RPGRIP1L: variants seen among roughly 807,000 people sequenced by gnomAD.
RPGRIP1L encodes RPGRIP1 like.
Under a neutral mutation model 160.4 loss-of-function variants are expected in RPGRIP1L, and 131 were observed. The observed-to-expected ratio is 0.82, with a 90% confidence interval of 0.71 to 0.94. The LOEUF is 0.94. Ranked by LOEUF, RPGRIP1L falls within the 40% of genes least tolerant of loss-of-function variation. The pLI, the probability that RPGRIP1L is intolerant of heterozygous loss-of-function variation, is 0.00. For synonymous variants in RPGRIP1L, 510 were observed against 515.8 expected (o/e 0.99, Z 0.15); for missense variants, 1,522 against 1,535.8 (o/e 0.99, Z 0.15).
rs201808974 is a variant in RPGRIP1L, at chr16:53,673,045, CATT to C, written c.883-32_883-30del. The C allele has an allele frequency of 6.3e-3, 10,109 of 1,594,690 alleles. 79 individuals carry two copies. Among genetic ancestry groups the C allele is most frequent in the Non-Finnish European group, 5.7e-3 (6,659 of 1,166,520 alleles). ...AAAGATAAAAAGAACATCTTTCAAA[CATT>C]ATTTTTGACTAAATGATTAAATTTG... On this transcript the variant is annotated intron_variant, in intron 7 of 26. Coordinates refer to ENST00000647211, the MANE Select transcript of RPGRIP1L (RefSeq NM_015272.5).
chr16:53,686,491 C>T lies in RPGRIP1L; in HGVS notation c.718G>A (p.Glu240Lys). 6.2e-7 allele frequency: 1 copy of T among 1,613,652 alleles called. No homozygotes were observed. Among genetic ancestry groups the T allele is most frequent in the Non-Finnish European group, 8.5e-7 (1 of 1,179,752 alleles). Residue 240 changes from glutamate (E) to lysine (K), a missense_variant, in exon 6 of 27, where the codon GAA becomes AAA. Coordinates refer to ENST00000647211, the MANE Select transcript of RPGRIP1L (RefSeq NM_015272.5). ...AGAAGAGATAACTCAATTTCATTTT[C>T]TTTTCTCCTCAACTGAGTTTTCAGG... ...EILKTQLRRKENEIELSLLQL... is the reference protein window; with the variant it reads ...EILKTQLRRKKNEIELSLLQL...
intron 22 of RPGRIP1L, among the ~76,000 whole-genome samples, chr16:53,629,391 AGGTCTCTG>A (rs915057254): frequency 1.1e-3 from 167 of 152,302 alleles, no homozygotes; most frequent in African/African-American, 3.8e-3. Context: ...CTAATTCATT[AGGTCTCTG>A]GTGGGGCCAA....
chr16:53,695,057 C>A, intron 3 of RPGRIP1L: 1 of 394,782 alleles, frequency 2.5e-6, no homozygotes, highest in Non-Finnish European at 4.5e-6. Context: ...GTCCTTTTCC[C>A]ATTAAACTAC....
chr16:53,641,811 G>C (rs1036767372), intron 17 of RPGRIP1L, among the ~76,000 whole-genome samples: 1 of 152,026 alleles, frequency 6.6e-6, no homozygotes, highest in African/African-American at 2.4e-5. Flanking sequence ...ACATTATTCA[G>C]AATTCTTAGC....
rs1969042389 is a variant in RPGRIP1L, at chr16:53,675,016, C to T, written c.882+1G>A. 1 of 1,567,018 alleles carries T rather than the reference C, an allele frequency of 6.4e-7. No individual in the cohort carries two copies. Among genetic ancestry groups the T allele is most frequent in the Non-Finnish European group, 8.8e-7 (1 of 1,139,846 alleles). On this transcript the variant is annotated splice_donor_variant, in intron 7 of 26. Coordinates refer to ENST00000647211, the MANE Select transcript of RPGRIP1L (RefSeq NM_015272.5). LOFTEE classifies it high-confidence loss of function. ...TGTAATAAAATAAATTATCACTGTACCTCTTGAAGCTGAATAAATTTTCCT... is the reference window on the plus strand; with the variant it reads ...TGTAATAAAATAAATTATCACTGTATCTCTTGAAGCTGAATAAATTTTCCT...
intron 25 of RPGRIP1L, among the ~76,000 whole-genome samples, chr16:53,607,734 C>T (rs942157973): frequency 2.0e-5 from 3 of 151,720 alleles, no homozygotes; most frequent in Admixed American, 1.3e-4. Context: ...AGAAAGAACT[C>T]GAAATTTAAA....
chr16:53,642,822 A>G lies in RPGRIP1L; in HGVS notation c.2684-1347T>C, dbSNP rs890374016. Among the ~76,000 whole-genome samples, 3 of 152,128 alleles carry G rather than the reference A, an allele frequency of 2.0e-5. No individual in the cohort carries two copies. In the East Asian group the frequency reaches 5.8e-4, roughly 29 times the overall value. ...GTTGTAGGGTGCTGACTATATGTGGAGCAAAATATAGATAATTTCATGCCC... is the reference window on the plus strand; with the variant it reads ...GTTGTAGGGTGCTGACTATATGTGGGGCAAAATATAGATAATTTCATGCCC... On this transcript the variant is annotated intron_variant, in intron 17 of 26. Coordinates refer to ENST00000647211, the MANE Select transcript of RPGRIP1L (RefSeq NM_015272.5).
At chr16:53,625,753 G>C (rs1965106215) in intron 22 of RPGRIP1L, among the ~76,000 whole-genome samples, 1 of 152,186 alleles carries the variant, frequency 6.6e-6, no homozygotes, top group Non-Finnish European at 1.5e-5. Flanking sequence ...CTGTGTCTGT[G>C]CAGAAAGAAG....
intron 9 of RPGRIP1L, among the ~76,000 whole-genome samples, chr16:53,665,645 T>C (rs1968180201): frequency 6.6e-6 from 1 of 152,128 alleles, no homozygotes; most frequent in South Asian, 2.1e-4. Context: ...ATGACGAAAA[T>C]AGAATTACTA....
chr16:53,615,189 A>G (rs1458864133), intron 24 of RPGRIP1L, among the ~76,000 whole-genome samples: 1 of 152,172 alleles, frequency 6.6e-6, no homozygotes, highest in African/African-American at 2.4e-5. Flanking sequence ...AAGGGTCCAG[A>G]CATGTATAAG....
intron 9 of RPGRIP1L, among the ~76,000 whole-genome samples, chr16:53,667,013 A>G (rs1262513324): frequency 6.6e-6 from 1 of 152,168 alleles, no homozygotes; most frequent in Admixed American, 6.5e-5. Context: ...TAAATGGTGA[A>G]CCACATCTGG....
intron 4 of RPGRIP1L, among the ~76,000 whole-genome samples, chr16:53,688,329 G>A (rs1358851089): frequency 6.6e-6 from 1 of 151,870 alleles, no homozygotes; most frequent in Non-Finnish European, 1.5e-5. Context: ...TTTTTCCCCA[G>A]TGTTTGTGAT....
At chr16:53,700,370 C>T (rs1971294777) in intron 2 of RPGRIP1L, among the ~76,000 whole-genome samples, 2 of 152,140 alleles carry the variant, frequency 1.3e-5, no homozygotes, top group Admixed American at 1.3e-4. Context: ...TATGTAGTTT[C>T]TACTGATGTG....
intron 2 of RPGRIP1L, among the ~76,000 whole-genome samples, chr16:53,698,636 T>C (rs1261353508): frequency 1.8e-5 from 2 of 112,696 alleles, no homozygotes; most frequent in African/African-American, 3.4e-5. Flanking sequence ...GGAGCCCCTC[T>C]GCCCGGCCAG....
chr16:53,667,669 T>G (rs888842661), intron 9 of RPGRIP1L, among the ~76,000 whole-genome samples: 2 of 152,054 alleles, frequency 1.3e-5, no homozygotes, highest in Non-Finnish European at 2.9e-5. Flanking sequence ...GGTCAGGAGT[T>G]CGAGACCAGC....
At chr16:53,649,175 T>C in intron 15 of RPGRIP1L, 60 bp from the exon 16 acceptor site, 1 of 1,369,184 alleles carries the variant, frequency 7.3e-7, no homozygotes. Flanking sequence ...TAGATAGCAG[T>C]AAAAATACAT....
At chr16:53,649,950 A>G (rs1312482209) in intron 15 of RPGRIP1L, among the ~76,000 whole-genome samples, 2 of 152,174 alleles carry the variant, frequency 1.3e-5, no homozygotes, top group East Asian at 1.9e-4. Flanking sequence ...AGAATATTCT[A>G]TACATAAACT....
At position 53,696,175 on chromosome 16, in the gene RPGRIP1L, C is replaced by A. The variant is rs574091991; in HGVS notation, c.206G>T (p.Arg69Leu). 2 of 1,613,868 alleles carry A rather than the reference C, an allele frequency of 1.2e-6. No homozygotes were observed. The highest frequency in any genetic ancestry group is 1.1e-5 in the South Asian group (1 of 91,078). The change falls in exon 3 of 27, where the codon CGC becomes CTC. Residue 69 changes from arginine (R) to leucine (L), a missense_variant. Transcript: ENST00000647211. ...DENILLKQHA[R>L]KQEDKIKRMA... is the part of the protein sequence containing the mutation. ...CCTTTTAATTTTATCCTCCTGCTTG[C>A]GGGCATGCTGTTTAAGTAAAATGTT... is the stretch of plus-strand genomic sequence containing the variant.
Position 53,619,118 on chromosome 16 carries a change from CAACA to C in RPGRIP1L, c.3519_3522del (p.Phe1173LeufsTer33). On this transcript the variant is annotated frameshift_variant, in exon 24 of 27. Coordinates refer to ENST00000647211, the MANE Select transcript of RPGRIP1L (RefSeq NM_015272.5). LOFTEE classifies it high-confidence loss of function. ...GCAGGAAGACTGTAGAATCGACACT[CAACA>C]AACAGCCGTTGGATAGTGTCATCCA... 1 of 1,614,022 alleles carries C rather than the reference CAACA, an allele frequency of 6.2e-7. No individual in the cohort carries two copies. Among genetic ancestry groups the C allele is most frequent in the Admixed American group, 1.7e-5 (1 of 60,018 alleles).
Sources: gnomAD v4.1 joint callset for allele counts (sites outside exome capture counted in the v4.1 genomes callset) on GRCh38, gnomAD v4.1.1 for gene constraint, MANE v1.5 for transcripts, NCBI Gene and HGNC (gene_info 2026-07-23, HGNC 2026-07-21) for gene names.